GRIK2: variants seen among roughly 807,000 people sequenced by gnomAD.
GRIK2 encodes the protein glutamate receptor ionotropic, kainate 2.
GRIK2 carries 32 observed loss-of-function variants against 100.3 expected under a neutral mutation model. The observed-to-expected ratio is 0.32, with a 90% CI of 0.24 to 0.43. The LOEUF is 0.43. Ranked by LOEUF, GRIK2 falls within the 20% of genes least tolerant of loss-of-function variation. The probability of loss-of-function intolerance (pLI) is 1.00; values close to 1 mark genes in which losing one functional copy is unlikely to be tolerated. For synonymous variants in GRIK2, 417 were observed against 389.4 expected (o/e 1.07, Z -0.83); for missense variants, 843 against 1,114.9 (o/e 0.76, Z 3.47).
chr6:101,449,305 A>G (rs56212482), intron 2 of GRIK2, among the ~76,000 whole-genome samples: 3 of 151,780 alleles, frequency 2.0e-5, no homozygotes, highest in Non-Finnish European at 3.0e-5. Context: ...ATTATTCTGA[A>G]TTTTTAATTT....
chr6:101,862,412 A>G (rs1463740183), intron 11 of GRIK2, among the ~76,000 whole-genome samples: 4 of 152,014 alleles, frequency 2.6e-5, no homozygotes, highest in Non-Finnish European at 4.4e-5. Context: ...GCATTTCTCA[A>G]ATACATTTTA....
chr6:101,688,379 C>T (rs974167950), intron 7 of GRIK2, among the ~76,000 whole-genome samples: 3 of 151,800 alleles, frequency 2.0e-5, no homozygotes, highest in Non-Finnish European at 2.9e-5. Flanking sequence ...GTGAGTCCCT[C>T]TGTGACTTTA....
At chr6:101,539,016 A>G (rs1040321583) in intron 2 of GRIK2, among the ~76,000 whole-genome samples, 2 of 150,230 alleles carry the variant, frequency 1.3e-5, no homozygotes, top group African/African-American at 2.4e-5. Flanking sequence ...TGGCATGTTG[A>G]AAAAAAAAGA....
At chr6:101,839,763 T>A (rs1296449388) in intron 10 of GRIK2, among the ~76,000 whole-genome samples, 1 of 152,186 alleles carries the variant, frequency 6.6e-6, no homozygotes, top group East Asian at 1.9e-4. Context: ...GAAGAATATA[T>A]CATTTGCAAA....
intron 7 of GRIK2, among the ~76,000 whole-genome samples, chr6:101,784,450 G>T (rs1402475236): frequency 6.6e-6 from 1 of 152,220 alleles, no homozygotes; most frequent in Admixed American, 6.5e-5. Context: ...TTTGGACTTG[G>T]ATTTTTAGGT....
chr6:102,063,337 A>T (rs1435617292), intron 16 of GRIK2, among the ~76,000 whole-genome samples: 1 of 150,764 alleles, frequency 6.6e-6, no homozygotes, highest in East Asian at 1.9e-4. Flanking sequence ...CCTTAAAAAT[A>T]AATACTAAAT....
chr6:102,003,759 T>C (rs1026509839), intron 14 of GRIK2, among the ~76,000 whole-genome samples: 3 of 151,728 alleles, frequency 2.0e-5, no homozygotes, highest in Non-Finnish European at 4.4e-5. Context: ...GAGTTGCTGT[T>C]GTGAAAACCA....
chr6:101,864,107 G>A (rs1018293114), intron 11 of GRIK2, among the ~76,000 whole-genome samples: 1 of 146,436 alleles, frequency 6.8e-6, no homozygotes, highest in Non-Finnish European at 1.5e-5. Flanking sequence ...ACTGCAGTCC[G>A]CAGTCCGGCC....
chr6:101,797,688 T>A (rs200967073), intron 7 of GRIK2, among the ~76,000 whole-genome samples: 59,110 of 146,112 alleles, frequency 0.4, 14,211 homozygotes, highest in East Asian at 0.85. Flanking sequence ...ATTATATATT[T>A]TTTTTATGTA....
intron 14 of GRIK2, among the ~76,000 whole-genome samples, chr6:101,942,869 C>T (rs1662533515): frequency 6.6e-6 from 1 of 152,124 alleles, no homozygotes; most frequent in Non-Finnish European, 1.5e-5. Context: ...AATTCATTTT[C>T]TGAGGAGGAA....
At chr6:101,882,796 AT>A (rs1377601314) in intron 11 of GRIK2, among the ~76,000 whole-genome samples, 1 of 152,078 alleles carries the variant, frequency 6.6e-6, no homozygotes, top group Non-Finnish European at 1.5e-5. Flanking sequence ...AACAAGTTTA[AT>A]TTTTTTATAT....
At chr6:101,863,939 C>T (rs1784892281) in intron 11 of GRIK2, among the ~76,000 whole-genome samples, 1 of 151,700 alleles carries the variant, frequency 6.6e-6, no homozygotes, top group East Asian at 1.9e-4. Context: ...AGATCGAGAC[C>T]ATCCTGGCTA....
intron 2 of GRIK2, among the ~76,000 whole-genome samples, chr6:101,554,989 G>A (rs1263986233): frequency 6.6e-6 from 1 of 152,244 alleles, no homozygotes; most frequent in East Asian, 1.9e-4. Context: ...TGAATTGCAA[G>A]TAAATTTAAT....
rs371766122 is a variant in GRIK2 at position 101,923,136 on chromosome 6, A to G, written c.1749-1465A>G. On this transcript the variant is annotated intron_variant, in intron 12 of 16. Transcript: ENST00000369134. Reference sequence around the variant, plus strand: ...AAATTGCATTAGAAAGATGAAAATGATTTGTTTAATCTTCTGAATTTTCAT... The same window carrying G: ...AAATTGCATTAGAAAGATGAAAATGGTTTGTTTAATCTTCTGAATTTTCAT... Among the ~76,000 whole-genome samples the G allele has an allele frequency of 9.9e-5, 15 of 152,268 alleles. No homozygotes were observed. The East Asian group carries it at 2.7e-3, about 27-fold the overall frequency.
chr6:101,969,265 T>A (rs1375819484), intron 14 of GRIK2, among the ~76,000 whole-genome samples: 10 of 152,112 alleles, frequency 6.6e-5, no homozygotes, highest in Non-Finnish European at 1.5e-5. Context: ...TGAAGAAGAA[T>A]GTAACACTTT....
chr6:101,674,706 T>G (rs1770699824), intron 4 of GRIK2, among the ~76,000 whole-genome samples: 1 of 152,200 alleles, frequency 6.6e-6, no homozygotes, highest in South Asian at 2.1e-4. Context: ...TTAAATAGCA[T>G]TAGTAAATAT....
chr6:102,006,929 AATTAAT>A (rs1260604006), intron 14 of GRIK2, among the ~76,000 whole-genome samples: 3 of 152,088 alleles, frequency 2.0e-5, no homozygotes, highest in Admixed American at 6.6e-5. Context: ...AAATGGAAAT[AATTAAT>A]ATTAATTTTG....
chr6:101,579,112 CTGA>C (rs1192357177), intron 2 of GRIK2, among the ~76,000 whole-genome samples: 2 of 151,898 alleles, frequency 1.3e-5, no homozygotes, highest in African/African-American at 4.8e-5. Flanking sequence ...TAGTAAATGC[CTGA>C]TGTCACACAC....
intron 2 of GRIK2, among the ~76,000 whole-genome samples, chr6:101,616,714 TA>T (rs1422460920): frequency 2.6e-5 from 4 of 151,600 alleles, no homozygotes; most frequent in African/African-American, 7.3e-5. Flanking sequence ...TTGATAGATT[TA>T]AAAAAAGGAC....
Sources: allele counts gnomAD v4.1 joint callset (sites outside exome capture counted in the v4.1 genomes callset), GRCh38; gene constraint gnomAD v4.1.1; transcripts MANE v1.5; gene names NCBI Gene and HGNC (gene_info 2026-07-23, HGNC 2026-07-21).